TMEM164: variants seen among roughly 807,000 people sequenced by gnomAD.
TMEM164 encodes transmembrane protein 164, also known as RP13-360B22.2.
In TMEM164, 4 loss-of-function variants were observed where a neutral mutation model predicts 18.8. The ratio of observed to expected loss-of-function variants is 0.21; its 90% CI spans 0.10 to 0.49. The LOEUF (loss-of-function observed/expected upper bound fraction) is 0.49, where lower values mean the gene tolerates loss of function less well. Ranked by LOEUF, TMEM164 falls within the 20% of genes least tolerant of loss-of-function variation. The pLI is 0.98. For missense variants in TMEM164, 108 were observed against 239.9 expected (o/e 0.45, Z 3.63); for synonymous variants, 86 against 101.7 (o/e 0.85, Z 0.93).
intron 2 of TMEM164, among the ~76,000 whole-genome samples, chrX:110,021,452 A>C (rs1933848203): frequency 9.0e-6 from 1 of 111,324 alleles, no homozygotes; most frequent in African/African-American, 3.3e-5. Context: ...AAGAGTAGCT[A>C]AGTGGCCAAG....
Position 110,124,167 on chromosome X carries a change from G to GC in TMEM164, c.507+15021_507+15022insC, listed in dbSNP as rs1481959333. ...GGAAGGAAGGAAGGAAGGAAGGAAGGAAGGAAGGAAGGCAGGAAGGCAGGC... is the reference window on the plus strand; with the variant it reads ...GGAAGGAAGGAAGGAAGGAAGGAAGGCAAGGAAGGAAGGCAGGAAGGCAGGC... On this transcript the variant is annotated intron_variant, in intron 4 of 6. Transcript: ENST00000372068. 1.4e-3 allele frequency among the ~76,000 whole-genome samples: 145 copies of GC among 101,572 alleles called. 1 individual carries two copies. Among genetic ancestry groups the GC allele is most frequent in the African/African-American group, 5.1e-3 (140 of 27,615 alleles). 88.2% of individuals were successfully genotyped at this position (101,572 alleles called of 115,157 possible). A position where few individuals can be genotyped will look rare whatever the true frequency, so the allele number is the denominator to read the frequency against.
intron 4 of TMEM164, among the ~76,000 whole-genome samples, chrX:110,122,670 C>T: frequency 8.9e-6 from 1 of 112,135 alleles, no homozygotes; most frequent in Non-Finnish European, 1.9e-5. Flanking sequence ...TGCTATTTCT[C>T]TGATAACTAA....
At chrX:110,029,168 A>T (rs1934339713) in intron 2 of TMEM164, among the ~76,000 whole-genome samples, 2 of 111,384 alleles carry the variant, frequency 1.8e-5, no homozygotes, top group Non-Finnish European at 3.8e-5. Context: ...AGAGTTCTTA[A>T]ATTTGACATT....
chrX:110,162,120 A>G (rs1274765354), intron 5 of TMEM164, among the ~76,000 whole-genome samples: 3 of 112,920 alleles, frequency 2.7e-5, no homozygotes, highest in African/African-American at 9.6e-5. Flanking sequence ...GGATTCTGAT[A>G]CAGAACGAGT....
At chrX:110,104,003 G>A (rs1263919057) in intron 3 of TMEM164, among the ~76,000 whole-genome samples, 1 of 111,506 alleles carries the variant, frequency 9.0e-6, no homozygotes, top group African/African-American at 3.3e-5. Context: ...AAGTCTTATA[G>A]CCTAGAAGTA....
At chrX:110,130,887 C>T (rs1050183283) in intron 4 of TMEM164, among the ~76,000 whole-genome samples, 1 of 110,697 alleles carries the variant, frequency 9.0e-6, no homozygotes, top group Non-Finnish European at 1.9e-5. Context: ...AGGCTTGGAG[C>T]CTGAGAAGAA....
At chrX:110,054,827 TCTTAATAA>T (rs1935741363) in intron 2 of TMEM164, among the ~76,000 whole-genome samples, 1 of 111,872 alleles carries the variant, frequency 8.9e-6, no homozygotes, top group Non-Finnish European at 1.9e-5. Context: ...ACAAAACACT[TCTTAATAA>T]ATCACCAGGC....
At chrX:110,111,869 A>G (rs2066294537) in intron 4 of TMEM164, among the ~76,000 whole-genome samples, 1 of 111,478 alleles carries the variant, frequency 9.0e-6, no homozygotes, top group Non-Finnish European at 1.9e-5. Context: ...CAAAAGGTAC[A>G]TATCTCCCTG....
chrX:110,124,172 A>AGGCAGGCAGGC (rs1556011961), intron 4 of TMEM164, among the ~76,000 whole-genome samples: 4 of 83,968 alleles, frequency 4.8e-5, no homozygotes, highest in African/African-American at 2.1e-4. Flanking sequence ...GGAAGGAAGG[A>AGGCAGGCAGGC]AGGAAGGCAG....
At chrX:110,128,378 ATCC>A (rs1447147423) in intron 4 of TMEM164, among the ~76,000 whole-genome samples, 2 of 112,677 alleles carry the variant, frequency 1.8e-5, no homozygotes, top group Non-Finnish European at 3.8e-5. Context: ...ACTATATTTT[ATCC>A]TCTGTTGTTG....
chrX:110,172,087 G>C (rs2067238461), intron 6 of TMEM164, among the ~76,000 whole-genome samples: 1 of 112,073 alleles, frequency 8.9e-6, no homozygotes, highest in African/African-American at 3.3e-5. Context: ...TATATCAGTG[G>C]CAAAATGAGT....
intron 2 of TMEM164, among the ~76,000 whole-genome samples, chrX:110,035,504 C>CTTT (rs771787732): frequency 1.0e-5 from 1 of 100,264 alleles, no homozygotes; most frequent in African/African-American, 3.6e-5. Flanking sequence ...TAGCCATTTC[C>CTTT]TTTTTTTTTT....
At chrX:110,122,196 C>A (rs1458522879) in intron 4 of TMEM164, among the ~76,000 whole-genome samples, 1 of 108,732 alleles carries the variant, frequency 9.2e-6, no homozygotes, top group African/African-American at 3.4e-5. Context: ...CAATGATAGA[C>A]TGGATTAAGA....
chrX:110,015,738 G>A (rs73636930), intron 2 of TMEM164, among the ~76,000 whole-genome samples: 1 of 111,237 alleles, frequency 9.0e-6, no homozygotes, highest in African/African-American at 3.3e-5. Context: ...ATTTCCTGGA[G>A]CCCCAGCCCC....
rs187738226 is a variant in TMEM164 at position 110,014,565 on chromosome X, G to A, written c.390+10401G>A. On this transcript the variant is annotated intron_variant, in intron 2 of 6. Coordinates refer to ENST00000372068, the MANE Select transcript of TMEM164 (RefSeq NM_032227.4). ...TCATTGTTAGGAAGCTTAGCTTTCC[G>A]GGGACCTATTGGCTTAATTATTATT... Among the ~76,000 whole-genome samples, 27 of 110,134 alleles carry A rather than the reference G, an allele frequency of 2.5e-4. No individual in the cohort carries two copies. In the East Asian group the frequency reaches 7.7e-3, roughly 31 times the overall value.
intron 5 of TMEM164, among the ~76,000 whole-genome samples, chrX:110,164,724 G>A (rs2067137459): frequency 9.0e-6 from 1 of 111,436 alleles, no homozygotes; most frequent in Non-Finnish European, 1.9e-5. Flanking sequence ...GACTGTGAAA[G>A]GGAAGGATAG....
At chrX:110,082,995 T>C (rs957921389) in intron 3 of TMEM164, among the ~76,000 whole-genome samples, 2 of 111,607 alleles carry the variant, frequency 1.8e-5, no homozygotes, top group African/African-American at 3.3e-5. Context: ...TTTATCACTT[T>C]TGCAGTAAAT....
In TMEM164 at chrX:110,176,316, AT is replaced by A. The variant is rs1225672705; in HGVS notation, c.*2868del. 35 of 754,313 alleles carry A rather than the reference AT, an allele frequency of 4.6e-5. No homozygotes were observed. Among genetic ancestry groups the A allele is most frequent in the Non-Finnish European group, 5.5e-5 (35 of 639,209 alleles). The allele number at this position is 754,313 out of a possible 1,213,427, so 62.2% of individuals were successfully genotyped here. A position where few individuals can be genotyped will look rare whatever the true frequency, so the allele number is the denominator to read the frequency against. On this transcript the variant is annotated 3_prime_UTR_variant, in exon 7 of 7. Transcript: ENST00000372068. ...GCTTCTGGTCCTCCCTGCCCTCAGT[AT>A]TTGGTTTTGTACACCAAAGATGATC...
intron 2 of TMEM164, among the ~76,000 whole-genome samples, chrX:110,056,349 A>G (rs948131914): frequency 8.9e-6 from 1 of 112,166 alleles, no homozygotes; most frequent in African/African-American, 3.2e-5. Flanking sequence ...TTTAGCATGT[A>G]TCAGTACTTC....
Sources: gnomAD v4.1 joint callset for allele counts (sites outside exome capture counted in the v4.1 genomes callset) on GRCh38, gnomAD v4.1.1 for gene constraint, MANE v1.5 for transcripts, NCBI Gene and HGNC (gene_info 2026-07-23, HGNC 2026-07-21) for gene names.